The following STXBP5L variants were observed in gnomAD, a reference collection of about 807,000 sequenced individuals.
STXBP5L encodes the protein syntaxin binding protein 5L.
In STXBP5L, 65 loss-of-function variants were observed where a neutral mutation model predicts 144.5. That is an observed-to-expected ratio of 0.45 (90% CI 0.37 to 0.55). The LOEUF is 0.55. STXBP5L is among the 20% of genes least tolerant of loss of function. The pLI, the probability that STXBP5L is intolerant of heterozygous loss-of-function variation, is 0.00. For synonymous variants in STXBP5L, 505 were observed against 469.6 expected (o/e 1.08, Z -0.97); for missense variants, 1,298 against 1,405.5 (o/e 0.92, Z 1.22).
intron 3 of STXBP5L, among the ~76,000 whole-genome samples, chr3:121,014,020 A>G (rs1944966637): frequency 2.0e-5 from 3 of 152,036 alleles, no homozygotes; most frequent in South Asian, 4.1e-4. Context: ...TACCAGTACC[A>G]TGCTGTTTTG....
At position 121,249,188 on chromosome 3, in the gene STXBP5L, T is replaced by G. The variant is rs1399949115; in HGVS notation, c.1401-1535T>G. On this transcript the variant is annotated intron_variant, in intron 14 of 26. Coordinates refer to ENST00000471454, the MANE Select transcript of STXBP5L (RefSeq NM_001308330.2). ...TCTGTGAGGAATGATGTTTGTAGTTTGATAGGAATAGTGATGAATCTGCAC... is the reference window on the plus strand; with the variant it reads ...TCTGTGAGGAATGATGTTTGTAGTTGGATAGGAATAGTGATGAATCTGCAC... Among the ~76,000 whole-genome samples the G allele has an allele frequency of 2.0e-5, 3 of 152,172 alleles. No homozygotes were observed. The East Asian group carries it at 5.8e-4, about 29-fold the overall frequency.
chr3:121,298,122 C>T (rs1284387237), intron 19 of STXBP5L, among the ~76,000 whole-genome samples: 1 of 152,160 alleles, frequency 6.6e-6, no homozygotes, highest in African/African-American at 2.4e-5. Context: ...TCCAATTTCT[C>T]CACATCCTCA....
intron 2 of STXBP5L, among the ~76,000 whole-genome samples, chr3:120,935,123 A>T (rs1710196082): frequency 6.6e-6 from 1 of 150,444 alleles, no homozygotes; most frequent in African/African-American, 2.4e-5. Flanking sequence ...TGAGCATTTT[A>T]TATCATTCAA....
intron 6 of STXBP5L, among the ~76,000 whole-genome samples, chr3:121,118,308 C>A (rs559266910): frequency 8.6e-5 from 13 of 151,802 alleles, no homozygotes; most frequent in African/African-American, 2.2e-4. Flanking sequence ...AAGATTGTTA[C>A]ATCTATGCTG....
chr3:121,139,565 A>G (rs1030673843), intron 7 of STXBP5L, among the ~76,000 whole-genome samples: 1 of 152,076 alleles, frequency 6.6e-6, no homozygotes, highest in African/African-American at 2.4e-5. Flanking sequence ...CACTATAAGA[A>G]CAGATATAAT....
At chr3:121,054,211 T>A (rs1358810682) in intron 5 of STXBP5L, among the ~76,000 whole-genome samples, 1 of 152,024 alleles carries the variant, frequency 6.6e-6, no homozygotes, top group Non-Finnish European at 1.5e-5. Context: ...GAACTAGAAA[T>A]ACCATTTGAC....
At chr3:121,057,590 G>C (rs1948550230) in intron 5 of STXBP5L, among the ~76,000 whole-genome samples, 1 of 151,758 alleles carries the variant, frequency 6.6e-6, no homozygotes, top group South Asian at 2.1e-4. Context: ...ATAGTTCTTT[G>C]CTTTTGGATT....
chr3:121,058,418 C>T (rs1219008432), intron 5 of STXBP5L, among the ~76,000 whole-genome samples: 1 of 152,094 alleles, frequency 6.6e-6, no homozygotes, highest in East Asian at 1.9e-4. Context: ...CTACTGTGAA[C>T]AGTGCTGCAA....
chr3:121,153,524 A>G (rs1469164817), intron 8 of STXBP5L, among the ~76,000 whole-genome samples: 2 of 152,022 alleles, frequency 1.3e-5, no homozygotes, highest in South Asian at 2.1e-4. Flanking sequence ...TTATTTTAGA[A>G]CACTTCCTTA....
chr3:120,953,247 A>G (rs549330269), intron 2 of STXBP5L, among the ~76,000 whole-genome samples: 2 of 152,000 alleles, frequency 1.3e-5, no homozygotes, highest in Non-Finnish European at 2.9e-5. Context: ...ACTACTCATT[A>G]TAAATAAGCA....
At chr3:121,121,506 C>A in intron 6 of STXBP5L, 135 bp from the exon 7 acceptor site, 1 of 519,076 alleles carries the variant, frequency 1.9e-6, no homozygotes, top group Admixed American at 3.5e-5. Context: ...AAATAAAAAA[C>A]TTAAGTGAAT....
chr3:121,136,035 G>A (rs757393500), intron 7 of STXBP5L, among the ~76,000 whole-genome samples: 3 of 152,072 alleles, frequency 2.0e-5, no homozygotes, highest in Non-Finnish European at 2.9e-5. Context: ...GTGCCCTTAG[G>A]CCCTGAAGAA....
chr3:121,359,628 G>A lies in STXBP5L; in HGVS notation c.2177-19088G>A, dbSNP rs73183156. Among the ~76,000 whole-genome samples, 116 of 152,152 alleles carry A rather than the reference G, an allele frequency of 7.6e-4. No homozygotes were observed. The South Asian group carries it at 7.7e-3, about 10-fold the overall frequency. On this transcript the variant is annotated intron_variant, in intron 20 of 26. Coordinates refer to ENST00000471454, the MANE Select transcript of STXBP5L (RefSeq NM_001308330.2). ...CGTTTTGATTTGATTTTCGTATATG[G>A]TGAGATGTAGAGGTCTATTTTCATT...
chr3:121,390,748 G>T (rs891792105), intron 22 of STXBP5L, among the ~76,000 whole-genome samples: 27 of 152,160 alleles, frequency 1.8e-4, no homozygotes, highest in African/African-American at 6.3e-4. Flanking sequence ...TCTGCCAAGA[G>T]ATCTGCTGTT....
chr3:120,985,068 T>G (rs1276744020), intron 3 of STXBP5L, among the ~76,000 whole-genome samples: 1 of 152,106 alleles, frequency 6.6e-6, no homozygotes, highest in Non-Finnish European at 1.5e-5. Flanking sequence ...TTGCTAGTAT[T>G]TTTCTGATAA....
intron 3 of STXBP5L, among the ~76,000 whole-genome samples, chr3:120,988,126 T>C (rs918126135): frequency 6.6e-6 from 1 of 151,562 alleles, no homozygotes; most frequent in Non-Finnish European, 1.5e-5. Flanking sequence ...TTTTTTTTCC[T>C]GTTATTATTT....
chr3:121,309,152 A>T (rs1415669132), intron 19 of STXBP5L, among the ~76,000 whole-genome samples: 2 of 152,144 alleles, frequency 1.3e-5, no homozygotes, highest in African/African-American at 4.8e-5. Flanking sequence ...TAACCCAACT[A>T]TATCAATAAT....
rs373767147 is a variant in STXBP5L at position 121,253,797 on chromosome 3, A to ATTT, written c.1442-1088_1442-1086dup. Among the ~76,000 whole-genome samples the ATTT allele has an allele frequency of 3.5e-3, 421 of 120,616 alleles. 3 individuals are homozygous for ATTT. Among genetic ancestry groups the ATTT allele is most frequent in the African/African-American group, 0.013 (400 of 30,302 alleles). The allele number at this position is 120,616 out of a possible 152,430, so 79.1% of individuals were successfully genotyped here. A position where few individuals can be genotyped will look rare whatever the true frequency, so the allele number is the denominator to read the frequency against. On this transcript the variant is annotated intron_variant, in intron 15 of 26. Coordinates refer to ENST00000471454, the MANE Select transcript of STXBP5L (RefSeq NM_001308330.2). ...AGGCGCCCGCCACCACGCCCCGCTA[A>ATTT]TTTTTTTTTTTTCTTTTTTTTTTTT...
intron 5 of STXBP5L, among the ~76,000 whole-genome samples, chr3:121,068,022 C>T (rs555221801): frequency 6.6e-6 from 1 of 152,218 alleles, no homozygotes; most frequent in Non-Finnish European, 1.5e-5. Context: ...GTCAATTTTT[C>T]TTTTTTGAGA....
Sources: gnomAD v4.1 joint callset for allele counts (sites outside exome capture counted in the v4.1 genomes callset) on GRCh38, gnomAD v4.1.1 for gene constraint, MANE v1.5 for transcripts, NCBI Gene and HGNC (gene_info 2026-07-23, HGNC 2026-07-21) for gene names.